The following NOTUM variants were observed in gnomAD, a reference collection of about 807,000 sequenced individuals.
NOTUM encodes the protein notum, palmitoleoyl-protein carboxylesterase.
In NOTUM, 36 loss-of-function variants were observed where a neutral mutation model predicts 65.5. The ratio of observed to expected loss-of-function variants is 0.55; its 90% CI spans 0.42 to 0.73. The LOEUF (loss-of-function observed/expected upper bound fraction) is 0.73, where lower values mean the gene tolerates loss of function less well. Ranked by LOEUF, NOTUM falls within the 30% of genes least tolerant of loss-of-function variation. NOTUM has a pLI of 0.00. For synonymous variants in NOTUM, 356 were observed against 297.9 expected, an observed-to-expected ratio of 1.20 and a Z score of -2.01; for missense variants, 659 against 694.2, an observed-to-expected ratio of 0.95 and a Z score of 0.57.
intron 9 of NOTUM, among the ~76,000 whole-genome samples, 163 bp downstream of exon 9, chr17:81,955,234 G>A (rs2041422221): frequency 6.6e-6 from 1 of 152,178 alleles, no homozygotes; most frequent in South Asian, 2.1e-4. Context: ...ACCTGCATGG[G>A]CCTCCCAAAG....
At chr17:81,955,689 C>A (rs1598367566) in intron 8 of NOTUM, 145 bp from the exon 9 acceptor site, 2 of 640,446 alleles carry the variant, frequency 3.1e-6, no homozygotes, top group East Asian at 3.0e-5. Context: ...CAGTGCCCCC[C>A]ACCCCAGGCT....
At position 81,959,706 on chromosome 17, in the gene NOTUM, C is replaced by A. The variant is rs2041459596; in HGVS notation, c.324-14G>T. ...TTCAGGTAGTAGCTGCGGGGGAGGACGCACCGCGGGGGGTCGGCCAGGGCT... is the reference window on the plus strand; with the variant it reads ...TTCAGGTAGTAGCTGCGGGGGAGGAAGCACCGCGGGGGGTCGGCCAGGGCT... On this transcript the variant is annotated splice_polypyrimidine_tract_variant and intron_variant, in intron 1 of 10. Transcript: ENST00000409678. 6.9e-7 allele frequency: 1 copy of A among 1,458,602 alleles called. No individual in the cohort carries two copies. The highest frequency in any genetic ancestry group is 1.5e-5 in the African/African-American group (1 of 67,704). 90.4% of individuals were successfully genotyped at this position (1,458,602 alleles called of 1,614,324 possible).
At position 81,956,769 on chromosome 17, in the gene NOTUM, G is replaced by A. The variant is rs2041436495; in HGVS notation, c.888-19C>T. 2 of 1,608,398 alleles carry A rather than the reference G, an allele frequency of 1.2e-6. No homozygotes were observed. Among genetic ancestry groups the A allele is most frequent in the Non-Finnish European group, 1.7e-6 (2 of 1,176,384 alleles). ...CCAGTACCTGGAGCCACAGCCACAG[G>A]TTAGGCTGCCGTGGGTCTCGTCCCC... On this transcript the variant is annotated intron_variant, in intron 7 of 10. Transcript: ENST00000409678.
chr17:81,957,135 T>G, intron 6 of NOTUM, 61 bp from the exon 7 acceptor site: 1 of 1,443,986 alleles, frequency 6.9e-7, no homozygotes, highest in Non-Finnish European at 9.5e-7. Flanking sequence ...CTCCCCCGAG[T>G]CTGCTCAGCG....
rs369891138 is a variant in NOTUM at position 81,958,455 on chromosome 17, AC to A, written c.534-63del. The A allele has an allele frequency of 3.1e-5, 34 of 1,107,796 alleles. No homozygotes were observed. The African/African-American group carries it at 4.9e-4, about 16-fold the overall frequency. The allele number at this position is 1,107,796 out of a possible 1,614,324, so 68.6% of individuals were successfully genotyped here. ...TGCCGCCCGGCAGCCTCCAGAAAGGACCCCCAGAACAGGACCCTCAGAAAAG... is the reference window on the plus strand; with the variant it reads ...TGCCGCCCGGCAGCCTCCAGAAAGGACCCCAGAACAGGACCCTCAGAAAAG... On this transcript the variant is annotated intron_variant, in intron 4 of 10. Transcript: ENST00000409678.
intron 9 of NOTUM, 74 bp downstream of exon 9, chr17:81,955,323 G>A (rs1222796482): frequency 7.6e-7 from 1 of 1,316,896 alleles, no homozygotes; most frequent in South Asian, 1.4e-5. Flanking sequence ...TTCTTCTTTT[G>A]TTTTCTCAGG....
intron 4 of NOTUM, 41 bp from the exon 5 acceptor site, chr17:81,958,434 G>A (rs377225305): frequency 2.6e-5 from 37 of 1,421,060 alleles, no homozygotes; most frequent in Middle Eastern, 3.5e-4. Flanking sequence ...AGCGCCTGCC[G>A]CCCGGCAGCC....
chr17:81,959,252 G>C, intron 3 of NOTUM: 1 of 610,252 alleles, frequency 1.6e-6, no homozygotes, highest in East Asian at 2.7e-5. Flanking sequence ...GCCCTGCTTT[G>C]ACCCTGGGGA....
intron 4 of NOTUM, 144 bp downstream of exon 4, chr17:81,958,791 C>T: frequency 1.5e-6 from 1 of 666,276 alleles, no homozygotes; most frequent in East Asian, 2.7e-5. Context: ...CAGAACCCCT[C>T]TAGGACAGGA....
intron 6 of NOTUM, 58 bp from the exon 7 acceptor site, chr17:81,957,132 G>A (rs1161685511): frequency 5.5e-6 from 8 of 1,454,842 alleles, no homozygotes; most frequent in East Asian, 4.6e-5. Context: ...CACCTCCCCC[G>A]AGTCTGCTCA....
At position 81,953,124 on chromosome 17, in the gene NOTUM, G is replaced by A. The variant is rs751529075; in HGVS notation, c.1328C>T (p.Pro443Leu). 22 of 1,613,612 alleles carry A rather than the reference G, an allele frequency of 1.4e-5. No homozygotes were observed. The Middle Eastern group carries it at 5.0e-4, about 36-fold the overall frequency. The change falls in exon 11 of 11, where the codon CCC (proline) becomes CTC (leucine). Residue 443 changes from proline to leucine, a missense_variant. Pro to Leu is a moderately conservative substitution (Grantham distance 98). Coordinates refer to ENST00000409678, the MANE Select transcript of NOTUM (RefSeq NM_178493.6). ...GGTGGGGCATGAGGGGTTGCAGTGGGGCCAGGGGCAGCTGTCCACCAGGTG... is the reference window on the plus strand; with the variant it reads ...GGTGGGGCATGAGGGGTTGCAGTGGAGCCAGGGGCAGCTGTCCACCAGGTG... ...PVHLVDSCPW[P>L]HCNPSCPTVR...
chr17:81,952,902 G>A lies in NOTUM; in HGVS notation c.*59C>T. The A allele has an allele frequency of 2.8e-6, 4 of 1,445,404 alleles. No homozygotes were observed. The highest frequency in any genetic ancestry group is 1.7e-5 in the Admixed American group (1 of 58,454). 89.5% of individuals were successfully genotyped at this position (1,445,404 alleles called of 1,614,324 possible). A position where few individuals can be genotyped will look rare whatever the true frequency, so the allele number is the denominator to read the frequency against. ...GGGCCTGCTGGTGGGGGGTGAGGTG[G>A]CACTGGGGCAGCGGGTGTCTGGGCC... On this transcript the variant is annotated 3_prime_UTR_variant, in exon 11 of 11. Coordinates refer to ENST00000409678, the MANE Select transcript of NOTUM (RefSeq NM_178493.6).
chr17:81,955,870 G>C (rs1356282038), intron 8 of NOTUM, among the ~76,000 whole-genome samples: 1 of 106,830 alleles, frequency 9.4e-6, no homozygotes, highest in Non-Finnish European at 1.9e-5. Flanking sequence ...GGCCCCTGCA[G>C]TGCCCCCTAT....
Position 81,956,524 on chromosome 17 carries a change from C to T in NOTUM, c.988+126G>A, listed in dbSNP as rs943422184. 8 of 676,162 alleles carry T rather than the reference C, an allele frequency of 1.2e-5. No homozygotes were observed. The African/African-American group carries it at 1.4e-4, about 12-fold the overall frequency. The allele number at this position is 676,162 out of a possible 1,614,324, so 41.9% of individuals were successfully genotyped here. A position where few individuals can be genotyped will look rare whatever the true frequency, so the allele number is the denominator to read the frequency against. On this transcript the variant is annotated intron_variant, in intron 8 of 10. Coordinates refer to ENST00000409678, the MANE Select transcript of NOTUM (RefSeq NM_178493.6). ...TCCTCCCTGGTACACAGCCGGACTC[C>T]TCCCTGGACCAGGGCCGTGGTCTCC... is the stretch of plus-strand genomic sequence containing the variant.
rs955009885 is a variant in NOTUM at position 81,959,828 on chromosome 17, G to A, written c.324-136C>T. 22 of 333,076 alleles carry A rather than the reference G, an allele frequency of 6.6e-5. 1 individual carries two copies. The highest frequency in any genetic ancestry group is 4.6e-4 in the African/African-American group (21 of 45,670). 20.6% of individuals were successfully genotyped at this position (333,076 alleles called of 1,614,324 possible). ...GGTCGCACGGGGGCGCCCTCGGCCA[G>A]GCCCACGGGGAGCTCAGGGACGGCG... On this transcript the variant is annotated intron_variant, in intron 1 of 10. Transcript: ENST00000409678.
In NOTUM at chr17:81,953,072, C is replaced by G. The variant is rs1465536267; in HGVS notation, c.1380G>C (p.Glu460Asp). 6.2e-7 allele frequency: 1 copy of G among 1,614,066 alleles called. No homozygotes were observed. Among genetic ancestry groups the G allele is most frequent in the Non-Finnish European group, 8.5e-7 (1 of 1,179,964 alleles). Residue 460 changes from glutamate (E) to aspartate (D), a missense_variant, in exon 11 of 11, where the codon GAG becomes GAC. Transcript: ENST00000409678. Reference sequence around the variant, plus strand: ...GCATGAGGAACTGGGCCACGTTCATCTCTTGCCCCGTGAACTGGTCTCGGA... The same window carrying G: ...GCATGAGGAACTGGGCCACGTTCATGTCTTGCCCCGTGAACTGGTCTCGGA... Reference protein sequence around the residue: ...PTVRDQFTGQEMNVAQFLMHM... With the variant: ...PTVRDQFTGQDMNVAQFLMHM...
intron 5 of NOTUM, 92 bp downstream of exon 5, chr17:81,958,243 G>T (rs367791131): frequency 6.2e-5 from 53 of 854,942 alleles, no homozygotes; most frequent in Non-Finnish European, 1.0e-4. Context: ...CTGCCGTCCC[G>T]CCTCATCCCT....
Position 81,960,681 on chromosome 17 carries a change from G to C in NOTUM, c.229C>G (p.Leu77Val), listed in dbSNP as rs779788695. 1 of 1,600,092 alleles carries C rather than the reference G, an allele frequency of 6.2e-7. No homozygotes were observed. The highest frequency in any genetic ancestry group is 1.7e-5 in the Admixed American group (1 of 58,604). ...AGCTGCTGCGCGGAGCAGGGGTACA[G>C]GGACTGCGCCAGGCTCTTGACTTGC... ...MAQVKSLAQSLYPCSAQQLNE... is the reference protein window; with the variant it reads ...MAQVKSLAQSVYPCSAQQLNE... Residue 77 changes from leucine to valine, a missense_variant, in exon 1 of 11, where the codon CTG (leucine) becomes GTG (valine). Leu to Val is a conservative substitution (Grantham distance 32). Transcript: ENST00000409678. The surrounding 1 kb of genome is among the most constrained non-coding windows in gnomAD (Gnocchi z 6.4).
rs369739206 is a variant in NOTUM at position 81,960,732 on chromosome 17, C to T, written c.178G>A (p.Glu60Lys). The T allele has an allele frequency of 6.2e-7, 1 of 1,601,500 alleles. No individual in the cohort carries two copies. Among genetic ancestry groups the T allele is most frequent in the Non-Finnish European group, 8.5e-7 (1 of 1,174,842 alleles). The part of the protein sequence containing the change: ...ESFPLDFTAV[E>K]GNMDSFMAQV... Reference sequence around the variant, plus strand: ...GCCATGAAGCTGTCCATGTTACCCTCCACGGCCGTGAAGTCCAGCGGGAAG... The same window carrying T: ...GCCATGAAGCTGTCCATGTTACCCTTCACGGCCGTGAAGTCCAGCGGGAAG... Residue 60 changes from glutamate to lysine, a missense_variant, in exon 1 of 11, where the codon GAG becomes AAG. By Grantham distance (56) the Glu-to-Lys change is moderately conservative. Transcript: ENST00000409678. This position sits in a 1 kb window ranked among gnomAD's most constrained non-coding sequence, Gnocchi z 6.4.
Sources: gnomAD v4.1 joint callset for allele counts (sites outside exome capture counted in the v4.1 genomes callset) on GRCh38, gnomAD v4.1.1 for gene constraint, Gnocchi (gnomAD v3.1) non-coding constraint, MANE v1.5 for transcripts, NCBI Gene and HGNC (gene_info 2026-07-23, HGNC 2026-07-21) for gene names.